SAMM50: variants seen among roughly 807,000 people sequenced by gnomAD.
SAMM50 encodes sorting and assembly machinery component 50 homolog.
In SAMM50, 47 loss-of-function variants were observed where a neutral mutation model predicts 66.9. That is an observed-to-expected ratio of 0.70 (90% confidence interval 0.56 to 0.90). SAMM50 has a LOEUF of 0.90. Ranked by LOEUF, SAMM50 falls within the 40% of genes least tolerant of loss-of-function variation. SAMM50 has a pLI of 0.00. For synonymous variants in SAMM50, 191 were observed against 214.1 expected, an observed-to-expected ratio of 0.89 and a Z score of 0.94; for missense variants, 535 against 595.3, an observed-to-expected ratio of 0.90 and a Z score of 1.05.
intron 9 of SAMM50, among the ~76,000 whole-genome samples, 195 bp downstream of exon 9, chr22:43,977,016 G>T (rs1224111351): frequency 6.6e-6 from 1 of 152,244 alleles, no homozygotes; most frequent in African/African-American, 2.4e-5. Context: ...ACCCCCTGCA[G>T]TTCAGTCTTG....
At chr22:43,996,028 G>C (rs1274115679) in intron 14 of SAMM50, among the ~76,000 whole-genome samples, 1 of 152,094 alleles carries the variant, frequency 6.6e-6, no homozygotes, top group Non-Finnish European at 1.5e-5. Context: ...GCCTCTCATC[G>C]GCCCTCTGTC....
intron 1 of SAMM50, among the ~76,000 whole-genome samples, chr22:43,961,199 G>A (rs1027917183): frequency 2.6e-5 from 4 of 152,136 alleles, no homozygotes; most frequent in Admixed American, 6.5e-5. Flanking sequence ...CCTAATTGTA[G>A]AGAATTCTTG....
chr22:43,963,241 A>C, intron 1 of SAMM50, 45 bp from the exon 2 acceptor site: 1 of 1,208,802 alleles, frequency 8.3e-7, no homozygotes. Flanking sequence ...GTGTGTGTAT[A>C]TATGTGACAA....
chr22:43,987,945 A>G (rs1016764888), intron 12 of SAMM50: 6 of 152,034 alleles, frequency 3.9e-5, no homozygotes, highest in African/African-American at 1.4e-4. Flanking sequence ...GCAAGCAAGC[A>G]CCACATTTTA....
At chr22:43,971,155 G>A (rs1336266905) in intron 4 of SAMM50, among the ~76,000 whole-genome samples, 1 of 152,178 alleles carries the variant, frequency 6.6e-6, no homozygotes, top group African/African-American at 2.4e-5. Flanking sequence ...GTGACAGAAT[G>A]AGGCTCCATC....
chr22:43,983,818 C>A lies in SAMM50; in HGVS notation c.1008-115C>A. 2.9e-6 allele frequency: 2 copies of A among 697,906 alleles called. No individual in the cohort carries two copies. Among genetic ancestry groups the A allele is most frequent in the Non-Finnish European group, 4.9e-6 (2 of 407,534 alleles). The allele number at this position is 697,906 out of a possible 1,614,324, so 43.2% of individuals were successfully genotyped here. On this transcript the variant is annotated intron_variant, in intron 11 of 14. Transcript: ENST00000350028. The surrounding 1 kb of genome is among the most constrained non-coding windows in gnomAD (Gnocchi z 4.2). ...TCAAAGGTTTTGCCTTGTAAAAATGCTGTCGATAATCTAGTATCGAATGTG... is the reference window on the plus strand; with the variant it reads ...TCAAAGGTTTTGCCTTGTAAAAATGATGTCGATAATCTAGTATCGAATGTG...
At position 43,996,441 on chromosome 22, in the gene SAMM50, C is replaced by T; in HGVS notation, c.*58C>T. 1 of 1,507,154 alleles carries T rather than the reference C, an allele frequency of 6.6e-7. No individual in the cohort carries two copies. Among genetic ancestry groups the T allele is most frequent in the Non-Finnish European group, 9.2e-7 (1 of 1,082,398 alleles). The allele number at this position is 1,507,154 out of a possible 1,614,324, so 93.4% of individuals were successfully genotyped here. Reference sequence around the variant, plus strand: ...GGGCAGCAGCAAGGCGCCCATGCCACACACCGTCTCTCGAGGAAACGCGGT... The same window carrying T: ...GGGCAGCAGCAAGGCGCCCATGCCATACACCGTCTCTCGAGGAAACGCGGT... On this transcript the variant is annotated 3_prime_UTR_variant, in exon 15 of 15. Coordinates refer to ENST00000350028, the MANE Select transcript of SAMM50 (RefSeq NM_015380.5).
chr22:43,967,743 C>T (rs964722551), intron 3 of SAMM50, among the ~76,000 whole-genome samples: 1 of 152,224 alleles, frequency 6.6e-6, no homozygotes, highest in Non-Finnish European at 1.5e-5. Context: ...TCCCTTTCAC[C>T]TGCAGGGTGG....
At chr22:43,964,322 G>A (rs2146807929) in intron 2 of SAMM50, 130 bp from the exon 3 acceptor site, 2 of 575,904 alleles carry the variant, frequency 3.5e-6, no homozygotes, top group South Asian at 4.7e-5. Flanking sequence ...AAAGTCCAGA[G>A]GTAAGAAGTG....
At position 43,990,384 on chromosome 22, in the gene SAMM50, A is replaced by G. The variant is rs564746456; in HGVS notation, c.1342A>G (p.Met448Val). Residue 448 changes from methionine (M) to valine (V), a missense_variant, in exon 14 of 15, where the codon ATG becomes GTG. Met to Val is a conservative substitution (Grantham distance 21). Coordinates refer to ENST00000350028, the MANE Select transcript of SAMM50 (RefSeq NM_015380.5). ...ARLELNYCVP[M>V]GVQTGDRICD... is the part of the protein sequence containing the mutation. ...GTTGGAACTTAATTACTGCGTCCCC[A>G]TGGGAGTACAGACAGGCGACAGGTA... is the stretch of plus-strand genomic sequence containing the variant. 13 of 1,614,162 alleles carry G rather than the reference A, an allele frequency of 8.1e-6. No homozygotes were observed. The highest frequency in any genetic ancestry group is 1.6e-4 in the Middle Eastern group (1 of 6,062).
intron 4 of SAMM50, among the ~76,000 whole-genome samples, chr22:43,969,677 T>C (rs1043099365): frequency 7.2e-5 from 11 of 152,084 alleles, no homozygotes; most frequent in African/African-American, 2.7e-4. Flanking sequence ...TGAGCGAGTA[T>C]GGGGAGAAGG....
chr22:43,972,200 C>T, intron 4 of SAMM50, 36 bp from the exon 5 acceptor site: 1 of 1,335,666 alleles, frequency 7.5e-7, no homozygotes, highest in Non-Finnish European at 1.0e-6. Context: ...AAAATAACAT[C>T]CTGGCTGTCT....
rs746985408 is a variant in SAMM50 at position 43,972,934 on chromosome 22, T to C, written c.493T>C (p.Tyr165His). Residue 165 changes from tyrosine to histidine, a missense_variant, in exon 6 of 15, where the codon TAT becomes CAT. Tyr to His is a moderately conservative substitution (Grantham distance 83, BLOSUM62 2). Transcript: ENST00000350028. ...AGAAAAGGTGACCTTTCAGTTTTCC[T>C]ATGGAACAAAAGAAACTTCGTATGG... ...RAEKVTFQFSYGTKETSYGLS... is the reference protein window; with the variant it reads ...RAEKVTFQFSHGTKETSYGLS... 1 of 1,603,214 alleles carries C rather than the reference T, an allele frequency of 6.2e-7. No individual in the cohort carries two copies. The highest frequency in any genetic ancestry group is 1.1e-5 in the South Asian group (1 of 87,560).
Position 43,972,265 on chromosome 22 carries a change from G to C in SAMM50, c.352G>C (p.Val118Leu). ...GDDALPNGLDVTFEVTELRRL... is the reference protein window; with the variant it reads ...GDDALPNGLDLTFEVTELRRL... Reference sequence around the variant, plus strand: ...TGACGCACTTCCAAATGGGTTAGACGTTACCTTTGAAGTAACTGAATTGAG... The same window carrying C: ...TGACGCACTTCCAAATGGGTTAGACCTTACCTTTGAAGTAACTGAATTGAG... Residue 118 changes from valine (V) to leucine (L), a missense_variant, in exon 5 of 15, where the codon GTT becomes CTT. Coordinates refer to ENST00000350028, the MANE Select transcript of SAMM50 (RefSeq NM_015380.5). 6.2e-7 allele frequency: 1 copy of C among 1,601,472 alleles called. No homozygotes were observed. Among genetic ancestry groups the C allele is most frequent in the South Asian group, 1.1e-5 (1 of 87,870 alleles).
chr22:43,995,181 G>C (rs545988726), intron 14 of SAMM50, among the ~76,000 whole-genome samples: 8 of 152,148 alleles, frequency 5.3e-5, no homozygotes, highest in African/African-American at 1.9e-4. Flanking sequence ...CTGCAGTGCC[G>C]GGGCTGGTTA....
Position 43,957,272 on chromosome 22 carries a change from C to T in SAMM50, c.21+1674C>T, listed in dbSNP as rs141977018. ...CACAGAAACAATGGCATGATTCGTG[C>T]CAAATTCTGAAGCAATCTTCCTGCT... On this transcript the variant is annotated intron_variant, in intron 1 of 14. Transcript: ENST00000350028. The T allele has an allele frequency of 1.9e-4, 124 of 656,434 alleles. 1 individual carries two copies. In the African/African-American group the frequency reaches 2.0e-3, roughly 10 times the overall value. The allele number at this position is 656,434 out of a possible 1,614,324, so 40.7% of individuals were successfully genotyped here.
intron 1 of SAMM50, among the ~76,000 whole-genome samples, chr22:43,958,456 G>A (rs895217464): frequency 4.8e-5 from 7 of 145,176 alleles, no homozygotes; most frequent in Non-Finnish European, 1.1e-4. Context: ...AGGGAAAAAA[G>A]TATCTGCCTT....
chr22:43,967,962 C>T (rs2050181972), intron 3 of SAMM50, among the ~76,000 whole-genome samples: 1 of 152,112 alleles, frequency 6.6e-6, no homozygotes, highest in Non-Finnish European at 1.5e-5. Context: ...TGGCTCATGC[C>T]TGTAGTCCCA....
intron 14 of SAMM50, among the ~76,000 whole-genome samples, chr22:43,993,521 G>A (rs1247421093): frequency 7.2e-5 from 11 of 152,336 alleles, no homozygotes; most frequent in Admixed American, 5.9e-4. Flanking sequence ...GGTTTATTCC[G>A]GGAGGAAGCA....
Sources: gnomAD v4.1 joint callset for allele counts (sites outside exome capture counted in the v4.1 genomes callset) on GRCh38, gnomAD v4.1.1 for gene constraint, Gnocchi (gnomAD v3.1) non-coding constraint, MANE v1.5 for transcripts, NCBI Gene and HGNC (gene_info 2026-07-23, HGNC 2026-07-21) for gene names.